The following CUL4A variants were observed in gnomAD, a reference collection of about 807,000 sequenced individuals.
The protein encoded by CUL4A is cullin-4A.
Under a neutral mutation model 95.5 loss-of-function variants are expected in CUL4A, and 16 were observed. The observed-to-expected ratio is 0.17, with a 90% CI of 0.11 to 0.25. CUL4A has a LOEUF of 0.25. Among genes scored for constraint, CUL4A ranks in the 10% least tolerant of loss-of-function variants. The probability of loss-of-function intolerance (pLI) is 1.00; values close to 1 mark genes in which losing one functional copy is unlikely to be tolerated. For missense variants in CUL4A, 610 were observed against 937.0 expected, an observed-to-expected ratio of 0.65 and a Z score of 4.56; for synonymous variants, 380 against 353.1, an observed-to-expected ratio of 1.08 and a Z score of -0.85.
At chr13:113,245,388 C>A in intron 14 of CUL4A, 151 bp downstream of exon 14, 1 of 706,642 alleles carries the variant, frequency 1.4e-6, no homozygotes, top group Non-Finnish European at 2.4e-6. Context: ...ATAGCAAGAC[C>A]CAGTCTCTAC....
intron 18 of CUL4A, among the ~76,000 whole-genome samples, chr13:113,260,365 A>C (rs2139307970): frequency 6.6e-6 from 1 of 151,824 alleles, no homozygotes; most frequent in African/African-American, 2.4e-5. Context: ...AGCCTGGCCA[A>C]CATAGTGAAA....
chr13:113,229,308 A>T, intron 4 of CUL4A, 138 bp from the exon 5 acceptor site: 1 of 683,208 alleles, frequency 1.5e-6, no homozygotes, highest in East Asian at 2.7e-5. Context: ...TTTAGAAAAA[A>T]AAAATAAAAC....
intron 2 of CUL4A, among the ~76,000 whole-genome samples, chr13:113,218,007 C>T (rs941402766): frequency 2.0e-5 from 3 of 152,226 alleles, no homozygotes; most frequent in Admixed American, 1.3e-4. Context: ...GAGGCCGAGG[C>T]GGACAAATCA....
At chr13:113,250,992 CAG>C (rs1228135655) in intron 15 of CUL4A, among the ~76,000 whole-genome samples, 1 of 152,048 alleles carries the variant, frequency 6.6e-6, no homozygotes, top group Non-Finnish European at 1.5e-5. Flanking sequence ...GAATTTCTGA[CAG>C]GGCACAGCTT....
intron 2 of CUL4A, among the ~76,000 whole-genome samples, chr13:113,210,565 T>G (rs575418326): frequency 6.6e-6 from 1 of 152,326 alleles, no homozygotes; most frequent in East Asian, 1.9e-4. Flanking sequence ...TGATTAGTGG[T>G]TGCCTTTAAG....
upstream of CUL4A, chr13:113,208,361 C>T: frequency 1.4e-6 from 2 of 1,433,244 alleles, no homozygotes; most frequent in East Asian, 2.5e-5. Flanking sequence ...ACCGCGACGA[C>T]TCCGCGATCC....
chr13:113,261,447 A>G (rs914822552), intron 19 of CUL4A, among the ~76,000 whole-genome samples: 17 of 152,298 alleles, frequency 1.1e-4, no homozygotes, highest in African/African-American at 4.1e-4. Flanking sequence ...AGATGCACTA[A>G]ATAGTCGAAC....
At chr13:113,241,343 T>C (rs2041703560) in intron 10 of CUL4A, among the ~76,000 whole-genome samples, 1 of 152,154 alleles carries the variant, frequency 6.6e-6, no homozygotes, top group Non-Finnish European at 1.5e-5. Context: ...TAGTTTATAT[T>C]CAACTCCACA....
At chr13:113,254,320 C>T (rs188003917) in intron 16 of CUL4A, among the ~76,000 whole-genome samples, 3 of 152,274 alleles carry the variant, frequency 2.0e-5, no homozygotes, top group East Asian at 3.9e-4. Flanking sequence ...CAGTCAGTCC[C>T]GTATAAAAGA....
intron 10 of CUL4A, among the ~76,000 whole-genome samples, chr13:113,241,114 A>G (rs988101124): frequency 2.0e-5 from 3 of 152,218 alleles, no homozygotes; most frequent in African/African-American, 4.8e-5. Flanking sequence ...GTCTCGTACA[A>G]TGATAGAATT....
At chr13:113,263,413 A>G (rs564714133) in intron 19 of CUL4A, 74 bp from the exon 20 acceptor site, 21 of 719,800 alleles carry the variant, frequency 2.9e-5, no homozygotes, top group Non-Finnish European at 4.5e-5. Flanking sequence ...TACTTCATGC[A>G]TATACCCCTT....
At chr13:113,228,340 G>C (rs2041182803) in intron 4 of CUL4A, among the ~76,000 whole-genome samples, 1 of 152,152 alleles carries the variant, frequency 6.6e-6, no homozygotes, top group South Asian at 2.1e-4. Context: ...TCAGAATCTA[G>C]CCTGAATCCC....
chr13:113,250,733 A>G (rs900912427), intron 15 of CUL4A, among the ~76,000 whole-genome samples: 1 of 152,166 alleles, frequency 6.6e-6, no homozygotes, highest in Non-Finnish European at 1.5e-5. Context: ...TTATCACATT[A>G]TTGACTTTTA....
upstream of CUL4A, chr13:113,208,479 G>A (rs2040121480): frequency 6.5e-7 from 1 of 1,536,268 alleles, no homozygotes; most frequent in South Asian, 1.2e-5. Context: ...CCGGGGACCC[G>A]AACGGAAGAA....
chr13:113,232,274 C>CCA lies in CUL4A; in HGVS notation c.513-903_513-902insCA, dbSNP rs1481424210. 5.1e-5 allele frequency among the ~76,000 whole-genome samples: 7 copies of CCA among 137,266 alleles called. 3 individuals carry two copies. The East Asian group carries it at 6.6e-4, about 13-fold the overall frequency. 90.1% of individuals were successfully genotyped at this position (137,266 alleles called of 152,430 possible). A position where few individuals can be genotyped will look rare whatever the true frequency, so the allele number is the denominator to read the frequency against. On this transcript the variant is annotated intron_variant, in intron 5 of 19. Transcript: ENST00000375440. ...TGCTGCCACCACTACCCGCCCACCA[C>CCA]TATTACTGCTGCCACCACTACCCGC...
At chr13:113,208,771 A>G (rs1168737941), upstream of CUL4A, 9 of 1,427,368 alleles carry the variant, frequency 6.3e-6, no homozygotes, top group Admixed American at 2.9e-5. Context: ...CGGAGGGAGA[A>G]CCTGGGGACC....
chr13:113,227,546 C>T (rs1358378293), intron 3 of CUL4A, among the ~76,000 whole-genome samples: 2 of 152,178 alleles, frequency 1.3e-5, no homozygotes, highest in African/African-American at 4.8e-5. Context: ...AATATTCTTT[C>T]AGTATTCCAG....
intron 3 of CUL4A, among the ~76,000 whole-genome samples, chr13:113,223,988 A>T (rs991760141): frequency 1.3e-5 from 2 of 152,234 alleles, no homozygotes; most frequent in Non-Finnish European, 2.9e-5. Flanking sequence ...CAGCTGCTGC[A>T]GAACCCACAC....
At chr13:113,251,995 G>A (rs1160177621) in intron 15 of CUL4A, among the ~76,000 whole-genome samples, 2 of 152,142 alleles carry the variant, frequency 1.3e-5, no homozygotes, top group Non-Finnish European at 2.9e-5. Context: ...CAGCACAGAC[G>A]TGTCGGAGAT....
Sources: allele counts gnomAD v4.1 joint callset (sites outside exome capture counted in the v4.1 genomes callset), GRCh38; gene constraint gnomAD v4.1.1; transcripts MANE v1.5; gene names NCBI Gene and HGNC (gene_info 2026-07-23, HGNC 2026-07-21).